Variants in PIK3C2G observed in about 807,000 individuals in gnomAD.
PIK3C2G encodes phosphatidylinositol-4-phosphate 3-kinase catalytic subunit type 2 gamma.
A neutral mutation model predicts 181.1 loss-of-function variants in PIK3C2G; 168 were observed. That is an observed-to-expected ratio of 0.93 (90% CI 0.82 to 1.05). The LOEUF (loss-of-function observed/expected upper bound fraction) is 1.05. PIK3C2G is among the 50% of genes least tolerant of loss of function. The pLI, the probability that PIK3C2G is intolerant of heterozygous loss-of-function variation, is 0.00. For missense variants in PIK3C2G, 1,869 were observed against 1,732.8 expected (o/e 1.08, Z -1.40); for synonymous variants, 573 against 592.2 (o/e 0.97, Z 0.47).
intron 5 of PIK3C2G, among the ~76,000 whole-genome samples, chr12:18,298,408 C>CT (rs71061295): frequency 0.012 from 1,649 of 138,364 alleles, 12 homozygotes; most frequent in African/African-American, 0.028. Context: ...TGTGTTTTTT[C>CT]TTTTTTTTTT....
chr12:18,547,954 C>G (rs1182741177), intron 26 of PIK3C2G, among the ~76,000 whole-genome samples: 1 of 151,906 alleles, frequency 6.6e-6, no homozygotes, highest in Non-Finnish European at 1.5e-5. Context: ...CCAGGGAAAG[C>G]CTCAGGAAGA....
At chr12:18,656,252 G>C in the PIK3C2G span, among the ~76,000 whole-genome samples, 1 of 152,028 alleles carries the variant, frequency 6.6e-6, no homozygotes, top group African/African-American at 2.4e-5. Flanking sequence ...AACATAGCAA[G>C]ACCCTGTCTA....
At chr12:18,441,656 C>T (rs986164780) in intron 18 of PIK3C2G, among the ~76,000 whole-genome samples, 1 of 152,058 alleles carries the variant, frequency 6.6e-6, no homozygotes, top group African/African-American at 2.4e-5. Flanking sequence ...GAAGCAAAGT[C>T]ATCTTCTCAT....
chr12:18,388,672 T>A (rs1194034097), intron 14 of PIK3C2G, among the ~76,000 whole-genome samples: 1 of 152,210 alleles, frequency 6.6e-6, no homozygotes, highest in East Asian at 1.9e-4. Context: ...CAGGGGCACC[T>A]TATGGGTATG....
intron 26 of PIK3C2G, among the ~76,000 whole-genome samples, chr12:18,557,550 T>C (rs1480593945): frequency 1.3e-5 from 2 of 152,104 alleles, no homozygotes; most frequent in Non-Finnish European, 2.9e-5. Context: ...ACAGTAAACA[T>C]TGAAAGTTTT....
Position 18,320,947 on chromosome 12 carries a change from T to G in PIK3C2G, c.1138-15T>G, listed in dbSNP as rs34734874. On this transcript the variant is annotated splice_polypyrimidine_tract_variant and intron_variant, in intron 6 of 32. Coordinates refer to ENST00000538779, the MANE Select transcript of PIK3C2G (RefSeq NM_001288772.2). ...TATTCACTCAATAAATATTAATATA[T>G]TCTGCTGTCTACAGCATGAAGAGGA... is the stretch of plus-strand genomic sequence containing the variant. The G allele has an allele frequency of 0.11, 150,500 of 1,431,392 alleles. 8,691 individuals carry two copies. The highest frequency in any genetic ancestry group is 0.12 in the Non-Finnish European group (119,013 of 1,025,286). The allele number at this position is 1,431,392 out of a possible 1,614,324, so 88.7% of individuals were successfully genotyped here.
intron 24 of PIK3C2G, among the ~76,000 whole-genome samples, chr12:18,527,879 T>A (rs1943328989): frequency 6.6e-6 from 1 of 152,110 alleles, no homozygotes; most frequent in African/African-American, 2.4e-5. Flanking sequence ...AGTTAGTAAC[T>A]AAAGTTATTA....
chr12:18,537,593 C>T (rs1033394557), intron 24 of PIK3C2G, among the ~76,000 whole-genome samples: 2 of 152,016 alleles, frequency 1.3e-5, no homozygotes, highest in African/African-American at 4.8e-5. Flanking sequence ...CTCATATCTT[C>T]CTTTCTGACC....
chr12:18,381,077 A>C (rs1942801917), intron 13 of PIK3C2G, among the ~76,000 whole-genome samples: 1 of 152,202 alleles, frequency 6.6e-6, no homozygotes, highest in Admixed American at 6.5e-5. Flanking sequence ...AATTCACATA[A>C]GGATCTGTGG....
chr12:18,600,635 T>C (rs779436618), intron 30 of PIK3C2G, among the ~76,000 whole-genome samples: 6 of 151,882 alleles, frequency 4.0e-5, no homozygotes, highest in Admixed American at 6.6e-5. Flanking sequence ...GAATTAACCA[T>C]AGAAAGATGA....
the PIK3C2G span, among the ~76,000 whole-genome samples, chr12:18,669,223 G>T: frequency 6.6e-6 from 1 of 152,144 alleles, no homozygotes; most frequent in Non-Finnish European, 1.5e-5. Flanking sequence ...CCCACAGCTA[G>T]TAGGTAGCAA....
chr12:18,533,401 G>A (rs536303089), intron 24 of PIK3C2G, among the ~76,000 whole-genome samples: 8 of 152,012 alleles, frequency 5.3e-5, no homozygotes, highest in South Asian at 2.1e-4. Flanking sequence ...TCTAATTATC[G>A]TGAAATCCTA....
rs111253810 is a variant in PIK3C2G at position 18,278,567 on chromosome 12, C to T, written c.-78-3437C>T. On this transcript the variant is annotated intron_variant, in intron 1 of 32. Coordinates refer to ENST00000538779, the MANE Select transcript of PIK3C2G (RefSeq NM_001288772.2). ...CAAAACATGGGAATATTTGAGGGGACACAGTTTTGTCTACAAAATACATTT... is the reference window on the plus strand; with the variant it reads ...CAAAACATGGGAATATTTGAGGGGATACAGTTTTGTCTACAAAATACATTT... 3.4e-4 allele frequency among the ~76,000 whole-genome samples: 52 copies of T among 152,234 alleles called. 2 individuals are homozygous for T. The highest frequency in any genetic ancestry group is 1.2e-3 in the African/African-American group (51 of 41,540).
upstream of PIK3C2G, among the ~76,000 whole-genome samples, chr12:18,260,249 T>C (rs1163548755): frequency 6.6e-6 from 1 of 152,118 alleles, no homozygotes; most frequent in Non-Finnish European, 1.5e-5. Flanking sequence ...GGACTATTTT[T>C]CTTAAATAGT....
intron 21 of PIK3C2G, 86 bp from the exon 22 acceptor site, chr12:18,497,533 G>A: frequency 1.0e-6 from 1 of 966,556 alleles, no homozygotes; most frequent in Non-Finnish European, 1.5e-6. Flanking sequence ...TGTATCCAAG[G>A]AGAAAAGTGA....
chr12:18,257,066 A>G (rs1462656636), upstream of PIK3C2G, among the ~76,000 whole-genome samples: 2 of 152,148 alleles, frequency 1.3e-5, no homozygotes, highest in East Asian at 3.9e-4. Context: ...GAAAGAGGGA[A>G]AGGTTCCAGA....
At chr12:18,491,381 A>C in intron 19 of PIK3C2G, 70 bp from the exon 20 acceptor site, 6 of 822,954 alleles carry the variant, frequency 7.3e-6, no homozygotes, top group Non-Finnish European at 1.2e-5. Context: ...AATAGAAGAA[A>C]ATTATAACCT....
intron 31 of PIK3C2G, among the ~76,000 whole-genome samples, chr12:18,614,465 C>A (rs1018281827): frequency 2.6e-5 from 4 of 152,060 alleles, no homozygotes; most frequent in African/African-American, 9.7e-5. Context: ...TTGTTACCAG[C>A]TTTTTCATGA....
chr12:18,645,435 T>C (rs1166094474), intron 32 of PIK3C2G, among the ~76,000 whole-genome samples: 3 of 152,094 alleles, frequency 2.0e-5, no homozygotes, highest in Non-Finnish European at 4.4e-5. Flanking sequence ...AGGGAAAAAA[T>C]ATATGAAGTA....
Sources: allele counts gnomAD v4.1 joint callset (sites outside exome capture counted in the v4.1 genomes callset), GRCh38; gene constraint gnomAD v4.1.1; transcripts MANE v1.5; gene names NCBI Gene and HGNC (gene_info 2026-07-23, HGNC 2026-07-21).